ANKRD36: variants seen among roughly 807,000 people sequenced by gnomAD.
ANKRD36 encodes ankyrin repeat domain 36, also known as ankyrin repeat domain-containing protein 36A.
A neutral mutation model predicts 278.1 loss-of-function variants in ANKRD36; 179 were observed. The ratio of observed to expected loss-of-function variants is 0.64; its 90% CI spans 0.57 to 0.73. The LOEUF is 0.73. Among genes scored for constraint, ANKRD36 ranks in the 30% least tolerant of loss-of-function variants. The probability of loss-of-function intolerance (pLI) is 0.00; values close to 1 mark genes in which losing one functional copy is unlikely to be tolerated. For missense variants in ANKRD36, 1,159 were observed against 1,956.7 expected, an observed-to-expected ratio of 0.59 and a Z score of 7.69; for synonymous variants, 320 against 641.1, an observed-to-expected ratio of 0.50 and a Z score of 7.57.
intron 48 of ANKRD36, 48 bp from the exon 49 acceptor site, chr2:97,204,020 T>A (rs1558752723): frequency 1.3e-6 from 2 of 1,548,758 alleles, no homozygotes; most frequent in East Asian, 4.9e-5. Context: ...TATGGATAAT[T>A]TTGTCATTTT....
At chr2:97,125,700 AGTGATCT>A (rs1224388238) in intron 5 of ANKRD36, among the ~76,000 whole-genome samples, 1 of 151,538 alleles carries the variant, frequency 6.6e-6, no homozygotes, top group Non-Finnish European at 1.5e-5. Flanking sequence ...TGGCCCCTCA[AGTGATCT>A]GTTATCTATA....
chr2:97,221,648 GT>G (rs1370304757), intron 66 of ANKRD36, among the ~76,000 whole-genome samples: 1 of 150,124 alleles, frequency 6.7e-6, no homozygotes, highest in Non-Finnish European at 1.5e-5. Context: ...TTGTAAATTT[GT>G]TTGGGTTCAT....
In ANKRD36 at chr2:97,194,726, T is replaced by C; in HGVS notation, c.2450T>C (p.Val817Ala). ...ENKDGEKSRT[V>A]SSRKKPALKA... Reference sequence around the variant, plus strand: ...ATTATGTATCCCTTTTGCTTTTCAGTGTCTTCTCGGAAAAAACCAGCCTTG... The same window carrying C: ...ATTATGTATCCCTTTTGCTTTTCAGCGTCTTCTCGGAAAAAACCAGCCTTG... The change falls in exon 39 of 76, where the codon GTG becomes GCG. Residue 817 changes from valine (V) to alanine (A), a missense_variant and splice_region_variant. Coordinates refer to ENST00000420699, the MANE Select transcript of ANKRD36 (RefSeq NM_001354587.1). The C allele has an allele frequency of 6.2e-7, 1 of 1,604,896 alleles. No homozygotes were observed. The highest frequency in any genetic ancestry group is 8.5e-7 in the Non-Finnish European group (1 of 1,178,532).
chr2:97,131,391 G>GTC (rs781271474), intron 6 of ANKRD36, among the ~76,000 whole-genome samples: 2 of 151,612 alleles, frequency 1.3e-5, no homozygotes, highest in African/African-American at 2.4e-5. Context: ...AGAGACAAGG[G>GTC]TCTCTCTCTC....
At chr2:97,129,503 C>T (rs944169020) in intron 6 of ANKRD36, among the ~76,000 whole-genome samples, 24 of 152,096 alleles carry the variant, frequency 1.6e-4, no homozygotes, top group African/African-American at 4.6e-4. Flanking sequence ...ATTTTGGCTT[C>T]TGTTGCCATT....
chr2:97,123,497 C>G lies in ANKRD36; in HGVS notation c.593+504C>G, dbSNP rs574420467. Among the ~76,000 whole-genome samples, 17 of 83,478 alleles carry G rather than the reference C, an allele frequency of 2.0e-4. 2 individuals are homozygous for G. In the South Asian group the frequency reaches 4.4e-3, roughly 22 times the overall value. The allele number at this position is 83,478 out of a possible 152,430, so 54.8% of individuals were successfully genotyped here. ...ACACAGGACTGGGTTTAATCCCTAG[C>G]TTTCCCACTTGCTAGATGTGTGACC... On this transcript the variant is annotated intron_variant, in intron 4 of 75. Coordinates refer to ENST00000420699, the MANE Select transcript of ANKRD36 (RefSeq NM_001354587.1).
intron 22 of ANKRD36, among the ~76,000 whole-genome samples, chr2:97,175,727 T>G (rs2054041327): frequency 6.7e-6 from 1 of 149,276 alleles, no homozygotes; most frequent in Non-Finnish European, 1.5e-5. Context: ...AGGGTGTCAA[T>G]TTTGGATCTT....
chr2:97,215,987 G>T (rs1187103031), intron 62 of ANKRD36, among the ~76,000 whole-genome samples: 1 of 151,968 alleles, frequency 6.6e-6, no homozygotes, highest in Non-Finnish European at 1.5e-5. Flanking sequence ...GAGAAAAGAA[G>T]AAGTTATTTA....
chr2:97,128,046 TCATAGGTTTCC>T (rs1411325681), intron 6 of ANKRD36, among the ~76,000 whole-genome samples: 3 of 151,906 alleles, frequency 2.0e-5, no homozygotes, highest in Non-Finnish European at 4.4e-5. Context: ...CTTGGATCAT[TCATAGGTTTCC>T]GGGTTGTGTA....
intron 66 of ANKRD36, among the ~76,000 whole-genome samples, chr2:97,219,792 G>C (rs2066913682): frequency 7.2e-6 from 1 of 138,474 alleles, no homozygotes; most frequent in Non-Finnish European, 1.5e-5. Context: ...AAAAATATAA[G>C]GTTTTATTCA....
chr2:97,189,239 T>C lies in ANKRD36; in HGVS notation c.2194T>C (p.Ser732Pro), dbSNP rs184321771. Residue 732 changes from serine to proline, a missense_variant, in exon 34 of 76, where the codon TCT becomes CCT. Transcript: ENST00000420699. ...TAAGGCTACAACTGACGAGGAAGAT[T>C]CTGTTTCGAATATAGCCACAGAAAT... ...ALKATTDEED[S>P]VSNIATEIKD... 1.2e-3 allele frequency: 929 copies of C among 759,080 alleles called. 402 individuals are homozygous for C. Among genetic ancestry groups the C allele is most frequent in the South Asian group, 7.5e-4 (59 of 78,554 alleles). The allele number at this position is 759,080 out of a possible 1,614,324, so 47.0% of individuals were successfully genotyped here.
At chr2:97,178,109 A>G (rs1319586504) in intron 22 of ANKRD36, among the ~76,000 whole-genome samples, 1 of 150,942 alleles carries the variant, frequency 6.6e-6, no homozygotes, top group Non-Finnish European at 1.5e-5. Flanking sequence ...AGAGAAATGC[A>G]AATCAAAACC....
rs1575035707 is a variant in ANKRD36, at chr2:97,154,686, T to C, written c.1205T>C (p.Leu402Pro). ...VEEAVDRCLY[L>P]LDRFAQPVTK... ...TTTTTGCTCTGTAGGTGTCTCTACC[T>C]ACTGGACCGTTTTGCACAGCCTGTG... Residue 402 changes from leucine to proline, a missense_variant, in exon 15 of 76, where the codon CTA becomes CCA. Transcript: ENST00000420699. The C allele has an allele frequency of 4.0e-6, 6 of 1,484,884 alleles. No homozygotes were observed. In the Middle Eastern group the frequency reaches 5.0e-4, roughly 124 times the overall value. The allele number at this position is 1,484,884 out of a possible 1,614,324, so 92.0% of individuals were successfully genotyped here. A position where few individuals can be genotyped will look rare whatever the true frequency, so the allele number is the denominator to read the frequency against.
intron 22 of ANKRD36, among the ~76,000 whole-genome samples, chr2:97,169,078 T>C (rs1384240284): frequency 6.6e-6 from 1 of 152,246 alleles, no homozygotes; most frequent in African/African-American, 2.4e-5. Flanking sequence ...CCACCAACAA[T>C]ATAAAAGCGT....
intron 66 of ANKRD36, among the ~76,000 whole-genome samples, chr2:97,220,749 A>ATTTTTTTTTTTTTTTTTTTT (rs1558889083): frequency 1.2e-5 from 1 of 86,896 alleles, no homozygotes; most frequent in African/African-American, 5.9e-5. Context: ...TTTTTTTTTA[A>ATTTTTTTTTTTTTTTTTTTT]TTTTTAATTT....
At chr2:97,115,334 A>T (rs2034961887) in intron 1 of ANKRD36, among the ~76,000 whole-genome samples, 2 of 152,216 alleles carry the variant, frequency 1.3e-5, no homozygotes, top group Admixed American at 6.6e-5. Flanking sequence ...AAAAACACAA[A>T]TGCCTACTTA....
rs200765455 is a variant in ANKRD36, at chr2:97,118,094, C to G, written c.228C>G (p.Gly76=). 2 of 1,556,370 alleles carry G rather than the reference C, an allele frequency of 1.3e-6. No homozygotes were observed. The highest frequency in any genetic ancestry group is 1.7e-6 in the Non-Finnish European group (2 of 1,149,302). Residue 76 remains glycine, a synonymous_variant, in exon 2 of 76, where the codon GGC becomes GGG. Transcript: ENST00000420699. ...RTALHLACAT[G]QPEMVHLLVS... ...CCCTACATTTGGCCTGTGCCACTGGCCAACCGGAAATGGTACATCTCCTGG... is the reference window on the plus strand; with the variant it reads ...CCCTACATTTGGCCTGTGCCACTGGGCAACCGGAAATGGTACATCTCCTGG...
At chr2:97,129,747 C>G (rs559005072) in intron 6 of ANKRD36, among the ~76,000 whole-genome samples, 2 of 152,112 alleles carry the variant, frequency 1.3e-5, no homozygotes, top group East Asian at 1.9e-4. Flanking sequence ...CCCATTTCTT[C>G]TTTTTGTCAG....
At position 97,209,853 on chromosome 2, in the gene ANKRD36, T is replaced by G; in HGVS notation, c.3348T>G (p.Asp1116Glu). ...SVLYIAREKK[D>E]GEKSRTVSSP... ...TGTATATAGCCAGAGAAAAAAAGGA[T>G]GGAGAAAAATCTAGGACAGGTAATT... The change falls in exon 56 of 76, where the codon GAT (aspartate) becomes GAG (glutamate). Residue 1116 changes from aspartate to glutamate, a missense_variant. Physicochemically the swap from Asp to Glu is conservative, Grantham distance 45. Coordinates refer to ENST00000420699, the MANE Select transcript of ANKRD36 (RefSeq NM_001354587.1). The G allele has an allele frequency of 6.3e-7, 1 of 1,587,130 alleles. No homozygotes were observed. The highest frequency in any genetic ancestry group is 8.5e-7 in the Non-Finnish European group (1 of 1,169,660).
Sources: allele counts gnomAD v4.1 joint callset (sites outside exome capture counted in the v4.1 genomes callset), GRCh38; gene constraint gnomAD v4.1.1; transcripts MANE v1.5; gene names NCBI Gene and HGNC (gene_info 2026-07-23, HGNC 2026-07-21).